The following WWOX variants were observed in gnomAD, a reference collection of about 807,000 sequenced individuals.
WWOX encodes the protein WW domain-containing oxidoreductase.
A neutral mutation model predicts 46.2 loss-of-function variants in WWOX; 69 were observed. The observed-to-expected ratio is 1.49, with a 90% CI of 1.23 to 1.82. The LOEUF (loss-of-function observed/expected upper bound fraction) is 1.82. Among genes scored for constraint, WWOX ranks in the 40% most tolerant of loss-of-function variants. The pLI, the probability that WWOX is intolerant of heterozygous loss-of-function variation, is 0.00. For missense variants in WWOX, 919 were observed against 542.6 expected, an observed-to-expected ratio of 1.69 and a Z score of -6.89; for synonymous variants, 359 against 202.6, an observed-to-expected ratio of 1.77 and a Z score of -6.56.
intron 8 of WWOX, among the ~76,000 whole-genome samples, chr16:78,533,718 T>C (rs1448187198): frequency 6.6e-6 from 1 of 152,218 alleles, no homozygotes. Context: ...GCTCCAGGTC[T>C]GAGCAGAAAT....
chr16:78,998,335 C>T (rs112428386), intron 8 of WWOX, among the ~76,000 whole-genome samples: 3,984 of 152,264 alleles, frequency 0.026, 68 homozygotes, highest in Middle Eastern at 0.048. Context: ...CTCTGAGCTT[C>T]TTGAGTGAAG....
At chr16:78,632,081 C>G (rs935278704) in intron 8 of WWOX, among the ~76,000 whole-genome samples, 2 of 152,012 alleles carry the variant, frequency 1.3e-5, no homozygotes, top group African/African-American at 4.8e-5. Flanking sequence ...AAACTGGAGA[C>G]CAAACTAGCA....
chr16:78,218,396 C>G (rs2036789683), intron 5 of WWOX, among the ~76,000 whole-genome samples: 1 of 151,998 alleles, frequency 6.6e-6, no homozygotes, highest in African/African-American at 2.4e-5. Context: ...CTTTGCTTGC[C>G]TTTCTTAATG....
At chr16:79,134,004 G>T (rs572011361) in intron 8 of WWOX, among the ~76,000 whole-genome samples, 1 of 152,116 alleles carries the variant, frequency 6.6e-6, no homozygotes, top group Non-Finnish European at 1.5e-5. Flanking sequence ...TCTCATGCTG[G>T]ACTATCTAAG....
chr16:78,850,237 A>G (rs980644841), intron 8 of WWOX, among the ~76,000 whole-genome samples: 2 of 152,196 alleles, frequency 1.3e-5, no homozygotes, highest in Non-Finnish European at 2.9e-5. Context: ...CCAATGTGTC[A>G]TCACTCCAGA....
At chr16:78,545,373 T>C (rs991642781) in intron 8 of WWOX, among the ~76,000 whole-genome samples, 10 of 150,868 alleles carry the variant, frequency 6.6e-5, no homozygotes, top group African/African-American at 2.4e-4. Flanking sequence ...TTTTAATCCA[T>C]TTCTTTTAAA....
At chr16:78,725,506 C>T (rs568207687) in intron 8 of WWOX, among the ~76,000 whole-genome samples, 7 of 151,554 alleles carry the variant, frequency 4.6e-5, no homozygotes, top group East Asian at 2.0e-4. Context: ...TGCCACCATG[C>T]ACGGCTAATT....
chr16:78,515,542 T>C (rs1478889023), intron 8 of WWOX, among the ~76,000 whole-genome samples: 5 of 152,208 alleles, frequency 3.3e-5, no homozygotes, highest in African/African-American at 1.2e-4. Context: ...GCATGTTGTC[T>C]ATGAACGTTT....
chr16:78,446,148 A>G (rs762541191), intron 8 of WWOX, among the ~76,000 whole-genome samples: 11 of 152,240 alleles, frequency 7.2e-5, no homozygotes, highest in Non-Finnish European at 1.5e-4. Flanking sequence ...GGGATCATTC[A>G]TAAAACTAGT....
Position 78,439,480 on chromosome 16 carries a change from T to C in WWOX, c.1056+6728T>C, listed in dbSNP as rs530222106. 2.7e-4 allele frequency among the ~76,000 whole-genome samples: 41 copies of C among 152,310 alleles called. No homozygotes were observed. In the South Asian group the frequency reaches 7.5e-3, roughly 28 times the overall value. On this transcript the variant is annotated intron_variant, in intron 8 of 8. Transcript: ENST00000566780. The stretch of plus-strand genomic sequence containing the variant: ...TTAACATTACCATTGGTTTTAGTAG[T>C]CTTACGTCATTATGTCCAAAGCTTT...
chr16:78,124,155 T>C (rs1402455582), intron 4 of WWOX: 2 of 150,894 alleles, frequency 1.3e-5, no homozygotes, highest in African/African-American at 2.5e-5. Context: ...TGCTATATTA[T>C]ATACTTTTAT....
At chr16:78,326,240 G>A (rs1488729303) in intron 5 of WWOX, among the ~76,000 whole-genome samples, 6 of 152,278 alleles carry the variant, frequency 3.9e-5, no homozygotes, top group East Asian at 1.9e-4. Context: ...TCACAAAAGG[G>A]CAAAACACAA....
At chr16:78,785,216 T>A (rs989627455) in intron 8 of WWOX, among the ~76,000 whole-genome samples, 1 of 152,202 alleles carries the variant, frequency 6.6e-6, no homozygotes, top group Non-Finnish European at 1.5e-5. Flanking sequence ...TAGCAGGCGC[T>A]CTCAGCAAAG....
At chr16:78,947,205 A>C (rs924772820) in intron 8 of WWOX, among the ~76,000 whole-genome samples, 1 of 152,140 alleles carries the variant, frequency 6.6e-6, no homozygotes, top group Non-Finnish European at 1.5e-5. Flanking sequence ...GAAATAAATT[A>C]GGATAATCCA....
chr16:79,153,382 G>T (rs1364002000), intron 8 of WWOX, among the ~76,000 whole-genome samples: 1 of 152,146 alleles, frequency 6.6e-6, no homozygotes, highest in South Asian at 2.1e-4. Context: ...GCCCTCCTCT[G>T]CTGTGGGTAC....
At chr16:78,777,335 A>AG in intron 8 of WWOX, among the ~76,000 whole-genome samples, 1 of 152,306 alleles carries the variant, frequency 6.6e-6, no homozygotes, top group East Asian at 1.9e-4. Flanking sequence ...TGTCCAGGAC[A>AG]GTGGCCCCAT....
At chr16:78,483,173 C>T (rs1251879534) in intron 8 of WWOX, among the ~76,000 whole-genome samples, 3 of 152,082 alleles carry the variant, frequency 2.0e-5, no homozygotes, top group African/African-American at 7.2e-5. Context: ...TTTAAAAATG[C>T]ACCCAAATGT....
chr16:79,143,320 C>T (rs1226516613), intron 8 of WWOX, among the ~76,000 whole-genome samples: 3 of 152,200 alleles, frequency 2.0e-5, no homozygotes, highest in Non-Finnish European at 4.4e-5. Flanking sequence ...CCGCCTAACA[C>T]ATTAAATGTA....
intron 8 of WWOX, among the ~76,000 whole-genome samples, chr16:79,195,996 C>G (rs1012747127): frequency 6.6e-6 from 1 of 152,154 alleles, no homozygotes; most frequent in African/African-American, 2.4e-5. Context: ...TTAGTGGGGA[C>G]AATAATACTA....
Sources: allele counts gnomAD v4.1 joint callset (sites outside exome capture counted in the v4.1 genomes callset), GRCh38; gene constraint gnomAD v4.1.1; transcripts MANE v1.5; gene names NCBI Gene and HGNC (gene_info 2026-07-23, HGNC 2026-07-21).